CUL7: variants seen among roughly 807,000 people sequenced by gnomAD.
CUL7 encodes cullin 7, also known as cullin-7.
A neutral mutation model predicts 177.7 loss-of-function variants in CUL7; 96 were observed. The ratio of observed to expected loss-of-function variants is 0.54; its 90% CI spans 0.46 to 0.64. The LOEUF (loss-of-function observed/expected upper bound fraction) is 0.64, where lower values mean the gene tolerates loss of function less well. Among genes scored for constraint, CUL7 ranks in the 30% least tolerant of loss-of-function variants. The pLI, the probability that CUL7 is intolerant of heterozygous loss-of-function variation, is 0.00. For missense variants in CUL7, 1,893 were observed against 2,187.9 expected, an observed-to-expected ratio of 0.87 and a Z score of 2.69; for synonymous variants, 824 against 890.2, an observed-to-expected ratio of 0.93 and a Z score of 1.32.
At position 43,041,024 on chromosome 6, in the gene CUL7, T is replaced by C; in HGVS notation, c.3697A>G (p.Ile1233Val). 6.2e-7 allele frequency: 1 copy of C among 1,613,972 alleles called. No individual in the cohort carries two copies. The highest frequency in any genetic ancestry group is 2.2e-5 in the East Asian group (1 of 44,882). ...CTCTCCATTTCCTGGGCTCCACCGA[T>C]CCGGCTGCCCTGGATCTGCTGGTCA... ...HIDQQIQGSR[I>V]GGAQEMERLA... Residue 1233 changes from isoleucine (I) to valine (V), a missense_variant, in exon 20 of 26, where the codon ATC becomes GTC. Coordinates refer to ENST00000265348, the MANE Select transcript of CUL7 (RefSeq NM_014780.5).
rs139466862 is a variant in CUL7, at chr6:43,052,711, G to T, written c.78C>A (p.Ile26=). Reference sequence around the variant, plus strand: ...GCCCATCATGGCCCACGCGCTGGCGGATCAGCTCATCAGGATAGGCATGTA... The same window carrying T: ...GCCCATCATGGCCCACGCGCTGGCGTATCAGCTCATCAGGATAGGCATGTA... ...PGLHAYPDEL[I]RQRVGHDGHP... The change falls in exon 2 of 26, where the codon ATC becomes ATA. Residue 26 remains isoleucine (I), a synonymous_variant. Transcript: ENST00000265348. This position sits in a 1 kb window ranked among gnomAD's most constrained non-coding sequence, Gnocchi z 4.5. 11 of 1,613,288 alleles carry T rather than the reference G, an allele frequency of 6.8e-6. No individual in the cohort carries two copies. Among genetic ancestry groups the T allele is most frequent in the Middle Eastern group, 1.6e-4 (1 of 6,062 alleles).
At chr6:43,046,199 A>G in intron 12 of CUL7, 37 bp downstream of exon 12, 1 of 1,614,156 alleles carries the variant, frequency 6.2e-7, no homozygotes, top group Non-Finnish European at 8.5e-7. Context: ...ACAGGAAAGC[A>G]CACGTGTGTG....
rs767059180 is a variant in CUL7 at position 43,053,080 on chromosome 6, G to A, written c.-8-284C>T. 3.3e-5 allele frequency among the ~76,000 whole-genome samples: 5 copies of A among 152,202 alleles called. No homozygotes were observed. The highest frequency in any genetic ancestry group is 2.1e-4 in the South Asian group (1 of 4,826). ...ATGGAACAGTGGGCGGACTAGTGGGGGCAGGGCAGCCTTGGAGTTACAAGT... is the reference window on the plus strand; with the variant it reads ...ATGGAACAGTGGGCGGACTAGTGGGAGCAGGGCAGCCTTGGAGTTACAAGT... On this transcript the variant is annotated intron_variant, in intron 1 of 25. Coordinates refer to ENST00000265348, the MANE Select transcript of CUL7 (RefSeq NM_014780.5). This position sits in a 1 kb window ranked among gnomAD's most constrained non-coding sequence, Gnocchi z 4.1.
chr6:43,042,937 T>C lies in CUL7; in HGVS notation c.3510A>G (p.Pro1170=). The C allele has an allele frequency of 6.2e-7, 1 of 1,614,168 alleles. No individual in the cohort carries two copies. Among genetic ancestry groups the C allele is most frequent in the Admixed American group, 1.7e-5 (1 of 60,032 alleles). ...TSSWRDDDFV[P]RYCEHFNILQ... ...GAATATTAAAGTGCTCACAGTAGCGTGGCACAAAGTCATCATCCCGCCAGG... is the reference window on the plus strand; with the variant it reads ...GAATATTAAAGTGCTCACAGTAGCGCGGCACAAAGTCATCATCCCGCCAGG... The change falls in exon 19 of 26, where the codon CCA becomes CCG. Residue 1170 remains proline, a synonymous_variant. Transcript: ENST00000265348.
intron 7 of CUL7, among the ~76,000 whole-genome samples, chr6:43,048,873 T>C (rs527656274): frequency 6.6e-6 from 1 of 152,034 alleles, no homozygotes; most frequent in East Asian, 1.9e-4. Flanking sequence ...GTTCACGCCA[T>C]TCTCCTGCCT....
In CUL7 at chr6:43,038,461, T is replaced by C. The variant is rs1024487702; in HGVS notation, c.4579A>G (p.Ile1527Val). 4 of 1,614,168 alleles carry C rather than the reference T, an allele frequency of 2.5e-6. No homozygotes were observed. The highest frequency in any genetic ancestry group is 2.5e-6 in the Non-Finnish European group (3 of 1,180,030). The change falls in exon 25 of 26, where the codon ATT becomes GTT. Residue 1527 changes from isoleucine to valine, a missense_variant. Ile to Val is a conservative substitution (Grantham distance 29). This residue lies in a region of CUL7 where 248 missense variants were observed against 262.5 expected (regional missense o/e 0.94). Transcript: ENST00000265348. ...QKDIPGGVLKIRDGSKEPRSR... is the reference protein window; with the variant it reads ...QKDIPGGVLKVRDGSKEPRSR... ...CTGGGTTCCTTGCTGCCATCTCGAATCTTGAGGACCCCTGAAATAAATGCT... is the reference window on the plus strand; with the variant it reads ...CTGGGTTCCTTGCTGCCATCTCGAACCTTGAGGACCCCTGAAATAAATGCT...
intron 16 of CUL7, 83 bp downstream of exon 16, chr6:43,044,669 T>G: frequency 1.3e-6 from 2 of 1,534,136 alleles, no homozygotes; most frequent in Non-Finnish European, 1.8e-6. Flanking sequence ...ATAATCCAGG[T>G]GGTTCTAGGG....
In CUL7 at chr6:43,046,316, G is replaced by A; in HGVS notation, c.2580C>T (p.Asn860=). 1 of 1,614,248 alleles carries A rather than the reference G, an allele frequency of 6.2e-7. No individual in the cohort carries two copies. The highest frequency in any genetic ancestry group is 8.5e-7 in the Non-Finnish European group (1 of 1,180,058). The change falls in exon 12 of 26, where the codon AAC becomes AAT. Residue 860 remains asparagine (N), a synonymous_variant. Coordinates refer to ENST00000265348, the MANE Select transcript of CUL7 (RefSeq NM_014780.5). The part of the protein sequence containing the change: ...PHRASKLTDH[N]PKTYWESNGS... Reference sequence around the variant, plus strand: ...CGTTGGACTCCCAATAGGTCTTGGGGTTGTGGTCCGTCAGCTTGCTGGCCC... The same window carrying A: ...CGTTGGACTCCCAATAGGTCTTGGGATTGTGGTCCGTCAGCTTGCTGGCCC...
chr6:43,045,097 A>G lies in CUL7; in HGVS notation c.3038+130T>C. 1 of 1,381,434 alleles carries G rather than the reference A, an allele frequency of 7.2e-7. No homozygotes were observed. The highest frequency in any genetic ancestry group is 1.3e-5 in the South Asian group (1 of 79,970). The allele number at this position is 1,381,434 out of a possible 1,614,324, so 85.6% of individuals were successfully genotyped here. The stretch of plus-strand genomic sequence containing the variant: ...CCTTTCTTCCCCTCCCACAGCTCAG[A>G]AAACTCCAGCCCCCTCCCCACGCAT... On this transcript the variant is annotated intron_variant, in intron 15 of 25. Transcript: ENST00000265348. The surrounding 1 kb of genome is among the most constrained non-coding windows in gnomAD (Gnocchi z 4.8).
Position 43,043,982 on chromosome 6 carries a change from A to G in CUL7, c.3173-352T>C, listed in dbSNP as rs1046223607. Among the ~76,000 whole-genome samples, 21 of 152,108 alleles carry G rather than the reference A, an allele frequency of 1.4e-4. No homozygotes were observed. The highest frequency in any genetic ancestry group is 2.6e-4 in the Non-Finnish European group (18 of 67,980). Reference sequence around the variant, plus strand: ...CACCTGAGGTCGGGAGTTCGAGATCAGCCTGACCAACACGGAGAAACCCCA... The same window carrying G: ...CACCTGAGGTCGGGAGTTCGAGATCGGCCTGACCAACACGGAGAAACCCCA... On this transcript the variant is annotated intron_variant, in intron 16 of 25. Coordinates refer to ENST00000265348, the MANE Select transcript of CUL7 (RefSeq NM_014780.5). The surrounding 1 kb of genome is among the most constrained non-coding windows in gnomAD (Gnocchi z 4.2).
rs545556812 is a variant in CUL7 at position 43,043,920 on chromosome 6, G to A, written c.3173-290C>T. 2.0e-5 allele frequency among the ~76,000 whole-genome samples: 3 copies of A among 152,344 alleles called. No homozygotes were observed. The highest frequency in any genetic ancestry group is 4.1e-4 in the South Asian group (2 of 4,822). ...AGGCCAGGTGCGGTGGCTCATGCCT[G>A]TAATCCCAGCACTTTGGGAGGCTGA... On this transcript the variant is annotated intron_variant, in intron 16 of 25. Coordinates refer to ENST00000265348, the MANE Select transcript of CUL7 (RefSeq NM_014780.5). The surrounding 1 kb of genome is among the most constrained non-coding windows in gnomAD (Gnocchi z 4.2).
Position 43,046,404 on chromosome 6 carries a change from G to A in CUL7, c.2492C>T (p.Ser831Phe), listed in dbSNP as rs369629454. ...DVFLRYLCQGSSVEVKEDKCW... is the reference protein window; with the variant it reads ...DVFLRYLCQGFSVEVKEDKCW... ...CTTGTCCTCCTTCACTTCCACACTG[G>A]AGCCTGGGGGCAAGTGGGAAGGGGT... Residue 831 changes from serine (S) to phenylalanine (F), a missense_variant, in exon 12 of 26, where the codon TCC (serine) becomes TTC (phenylalanine). Coordinates refer to ENST00000265348, the MANE Select transcript of CUL7 (RefSeq NM_014780.5). 173 of 1,614,064 alleles carry A rather than the reference G, an allele frequency of 1.1e-4. 1 individual carries two copies. The South Asian group carries it at 1.3e-3, about 12-fold the overall frequency.
rs762785188 is a variant in CUL7 at position 43,050,024 on chromosome 6, T to G, written c.1508A>C (p.Lys503Thr). 1 of 1,614,194 alleles carries G rather than the reference T, an allele frequency of 6.2e-7. No individual in the cohort carries two copies. Among genetic ancestry groups the G allele is most frequent in the Non-Finnish European group, 8.5e-7 (1 of 1,180,034 alleles). Residue 503 changes from lysine to threonine, a missense_variant, in exon 6 of 26, where the codon AAG (lysine) becomes ACG (threonine). Lys to Thr is a moderately conservative substitution (Grantham distance 78). Transcript: ENST00000265348. The surrounding 1 kb of genome is among the most constrained non-coding windows in gnomAD (Gnocchi z 4.1). ...CTCCTGATGGTCAGGTCCATCCAGC[T>G]TCTTGATGAAGAAGAGGAGTTCCCA... ...EWWELLFFIK[K>T]LDGPDHQEVL... is the part of the protein sequence containing the mutation.
At chr6:43,047,628 C>G (rs1306808402) in intron 9 of CUL7, among the ~76,000 whole-genome samples, 1 of 152,192 alleles carries the variant, frequency 6.6e-6, no homozygotes, top group African/African-American at 2.4e-5. Flanking sequence ...CTGAAGCCTT[C>G]TGTGCCCAGG....
At position 43,050,007 on chromosome 6, in the gene CUL7, G is replaced by A. The variant is rs1384510931; in HGVS notation, c.1525C>T (p.His509Tyr). 2 of 1,614,148 alleles carry A rather than the reference G, an allele frequency of 1.2e-6. No homozygotes were observed. The highest frequency in any genetic ancestry group is 1.3e-5 in the African/African-American group (1 of 75,024). Residue 509 changes from histidine to tyrosine, a missense_variant, in exon 6 of 26, where the codon CAT (histidine) becomes TAT (tyrosine). This residue lies in a region of CUL7 where 653 missense variants were observed against 725.2 expected (regional missense o/e 0.90). Transcript: ENST00000265348. The surrounding 1 kb of genome is among the most constrained non-coding windows in gnomAD (Gnocchi z 4.1). ...FFIKKLDGPD[H>Y]QEVLQILQEN... ...TGGAGGATCTGGAGAACCTCCTGAT[G>A]GTCAGGTCCATCCAGCTTCTTGATG... is the stretch of plus-strand genomic sequence containing the variant.
rs1561885397 is a variant in CUL7, at chr6:43,046,366, C to T, written c.2530G>A (p.Val844Met). The T allele has an allele frequency of 2.5e-6, 4 of 1,614,226 alleles. No homozygotes were observed. The highest frequency in any genetic ancestry group is 3.4e-6 in the Non-Finnish European group (4 of 1,180,038). The change falls in exon 12 of 26, where the codon GTG becomes ATG. Residue 844 changes from valine (V) to methionine (M), a missense_variant. This residue lies in a region of CUL7 where 973 missense variants were observed against 1,140.9 expected (regional missense o/e 0.85). Transcript: ENST00000265348. ...EVKEDKCWEK[V>M]EVSSNPHRAS... ...CGGTGCGGGTTGGAGGACACCTCCA[C>T]CTTCTCCCAGCACTTGTCCTCCTTC...
chr6:43,048,509 C>T lies in CUL7; in HGVS notation c.1886G>A (p.Gly629Asp). The T allele has an allele frequency of 6.2e-7, 1 of 1,614,120 alleles. No homozygotes were observed. Among genetic ancestry groups the T allele is most frequent in the Non-Finnish European group, 8.5e-7 (1 of 1,180,018 alleles). Residue 629 changes from glycine (G) to aspartate (D), a missense_variant, in exon 8 of 26, where the codon GGT becomes GAT. Physicochemically the swap from Gly to Asp is moderately conservative, Grantham distance 94 (BLOSUM62 -1). This residue lies in a region of CUL7 where 973 missense variants were observed against 1,140.9 expected (regional missense o/e 0.85). Transcript: ENST00000265348. ...ATCCAGGAGGATTTTCCCAGCTGGA[C>T]CATAACCCTCCACCAGACGCTGCAG... The part of the protein sequence containing the change: ...TPLQRLVEGY[G>D]PAGKILLDLE...
chr6:43,049,943 T>A lies in CUL7; in HGVS notation c.1569+20A>T, dbSNP rs1165512202. 5.0e-6 allele frequency: 8 copies of A among 1,608,268 alleles called. No individual in the cohort carries two copies. The highest frequency in any genetic ancestry group is 6.0e-6 in the Non-Finnish European group (7 of 1,175,338). ...GCAATAGAGCCCTCCAACCTCTGAG[T>A]GTCTCCAGGCTGGCTCTACCTCCCC... On this transcript the variant is annotated intron_variant, in intron 6 of 25. Transcript: ENST00000265348.
At position 43,045,632 on chromosome 6, in the gene CUL7, G is replaced by T; in HGVS notation, c.2817C>A (p.Thr939=). The change falls in exon 14 of 26, where the codon ACC becomes ACA. Residue 939 remains threonine (T), a synonymous_variant. Coordinates refer to ENST00000265348, the MANE Select transcript of CUL7 (RefSeq NM_014780.5). This position sits in a 1 kb window ranked among gnomAD's most constrained non-coding sequence, Gnocchi z 4.8. ...ASRVILLENL[T]RFWPIIQIRI... is the part of the protein sequence containing the mutation. ...GGATCTGGATGATGGGCCAGAAGCG[G>T]GTCAGGTTCTCCAGGAGGATCACCC... 1.2e-6 allele frequency: 2 copies of T among 1,614,218 alleles called. No homozygotes were observed. Among genetic ancestry groups the T allele is most frequent in the Non-Finnish European group, 1.7e-6 (2 of 1,180,030 alleles).
Sources: allele counts gnomAD v4.1 joint callset (sites outside exome capture counted in the v4.1 genomes callset), GRCh38; gene constraint gnomAD v4.1.1; regional missense constraint gnomAD v4.1.1; non-coding constraint Gnocchi (gnomAD v3.1); transcripts MANE v1.5; gene names NCBI Gene and HGNC (gene_info 2026-07-23, HGNC 2026-07-21).